LOXHD1: variants seen among roughly 807,000 people sequenced by gnomAD.
LOXHD1 encodes the protein lipoxygenase homology domain-containing protein 1.
A neutral mutation model predicts 248.2 loss-of-function variants in LOXHD1; 205 were observed. That is an observed-to-expected ratio of 0.83 (90% CI 0.74 to 0.93). The LOEUF (loss-of-function observed/expected upper bound fraction) is 0.93. Ranked by LOEUF, LOXHD1 falls within the 40% of genes least tolerant of loss-of-function variation. The pLI, the probability that LOXHD1 is intolerant of heterozygous loss-of-function variation, is 0.00. For synonymous variants in LOXHD1, 1,113 were observed against 1,162.8 expected (o/e 0.96, Z 0.87); for missense variants, 2,930 against 2,971.6 (o/e 0.99, Z 0.33).
At position 46,563,085 on chromosome 18, in the gene LOXHD1, C is replaced by T. The variant is rs369017253; in HGVS notation, c.2578G>A (p.Ala860Thr). ...CATACCTGGAATGTGTCCTTGGACG[C>T]CCGTTCAAAAACTTTTGAGCGGCTG... ...LSSRSKVFER[A>T]SKDTFQLEAA... The change falls in exon 18 of 41, where the codon GCG becomes ACG. Residue 860 changes from alanine to threonine, a missense_variant. By Grantham distance (58) the Ala-to-Thr change is moderately conservative. Coordinates refer to ENST00000642948, the MANE Select transcript of LOXHD1 (RefSeq NM_001384474.1). The T allele has an allele frequency of 1.3e-6, 2 of 1,544,150 alleles. No homozygotes were observed. Among genetic ancestry groups the T allele is most frequent in the African/African-American group, 2.7e-5 (2 of 72,932 alleles).
At chr18:46,643,367 A>T (rs774570740) in intron 2 of LOXHD1, among the ~76,000 whole-genome samples, 1 of 152,124 alleles carries the variant, frequency 6.6e-6, no homozygotes, top group Non-Finnish European at 1.5e-5. Flanking sequence ...CAGAGTTTCT[A>T]CTCCACCATT....
chr18:46,532,617 C>G (rs41393146), intron 28 of LOXHD1, among the ~76,000 whole-genome samples: 28,499 of 152,156 alleles, frequency 0.19, 2,854 homozygotes, highest in African/African-American at 0.24. Context: ...TCAGAGAAAA[C>G]CACATTGATG....
At chr18:46,649,500 G>A (rs1337076651) in intron 1 of LOXHD1, among the ~76,000 whole-genome samples, 1 of 152,192 alleles carries the variant, frequency 6.6e-6, no homozygotes, top group Non-Finnish European at 1.5e-5. Flanking sequence ...GAGGCTGAGG[G>A]CAAGAGGGCA....
chr18:46,638,134 C>T (rs773866754), intron 4 of LOXHD1, among the ~76,000 whole-genome samples: 6 of 152,006 alleles, frequency 3.9e-5, no homozygotes, highest in East Asian at 1.9e-4. Flanking sequence ...TGCTGTGAAA[C>T]GGGGTGTTGC....
At chr18:46,624,641 C>T (rs1463429986) in intron 4 of LOXHD1, among the ~76,000 whole-genome samples, 1 of 152,200 alleles carries the variant, frequency 6.6e-6, no homozygotes, top group Non-Finnish European at 1.5e-5. Flanking sequence ...CCAGACTCTT[C>T]CACCTCCAGT....
At chr18:46,584,539 C>T (rs958834919) in intron 12 of LOXHD1, among the ~76,000 whole-genome samples, 1 of 151,886 alleles carries the variant, frequency 6.6e-6, no homozygotes, top group African/African-American at 2.4e-5. Context: ...AAATAAAATT[C>T]CAAATCTTTT....
chr18:46,586,402 C>A (rs1024592274), intron 12 of LOXHD1, among the ~76,000 whole-genome samples: 2 of 149,940 alleles, frequency 1.3e-5, no homozygotes, highest in African/African-American at 4.9e-5. Context: ...AATTGTATGG[C>A]ACATGAATCA....
chr18:46,605,058 AC>A (rs2038392118), intron 6 of LOXHD1, among the ~76,000 whole-genome samples: 2 of 152,250 alleles, frequency 1.3e-5, no homozygotes, highest in Non-Finnish European at 2.9e-5. Context: ...ATAAAATGCT[AC>A]CAAGACCAAT....
chr18:46,546,865 G>A, intron 22 of LOXHD1, 30 bp downstream of exon 22: 1 of 1,539,136 alleles, frequency 6.5e-7, no homozygotes, highest in Non-Finnish European at 8.8e-7. Context: ...AGGGGTGCTG[G>A]AGAAAGAAAT....
chr18:46,511,052 T>G (rs2034927499), intron 34 of LOXHD1, among the ~76,000 whole-genome samples: 1 of 152,348 alleles, frequency 6.6e-6, no homozygotes, highest in Non-Finnish European at 1.5e-5. Flanking sequence ...CTCTTTGAAT[T>G]TAGCCAAGTG....
intron 29 of LOXHD1, 69 bp downstream of exon 29, chr18:46,529,108 A>C: frequency 7.7e-5 from 118 of 1,532,914 alleles, no homozygotes; most frequent in Non-Finnish European, 9.7e-5. Flanking sequence ...GGAACCAAGA[A>C]GAGCTGGCAC....
chr18:46,524,913 T>C lies in LOXHD1; in HGVS notation c.4535A>G (p.Asp1512Gly). ...GTCAGCGGCCTCGATGATGAAGGTG[T>C]CAGCCTGGGGAGCCCAGATGTGGGG... Reference protein sequence around the residue: ...RTNKFERGTADTFIIEAADLG... With the variant: ...RTNKFERGTAGTFIIEAADLG... Residue 1512 changes from aspartate (D) to glycine (G), a missense_variant, in exon 30 of 41, where the codon GAC becomes GGC. Transcript: ENST00000642948. The C allele has an allele frequency of 1.3e-6, 2 of 1,551,638 alleles. No homozygotes were observed. The highest frequency in any genetic ancestry group is 1.4e-5 in the African/African-American group (1 of 73,160).
At chr18:46,556,033 A>G (rs562026724) in intron 21 of LOXHD1, among the ~76,000 whole-genome samples, 1 of 151,676 alleles carries the variant, frequency 6.6e-6, no homozygotes, top group African/African-American at 2.4e-5. Context: ...AAATCTAAGG[A>G]AGGATAATAT....
At chr18:46,480,444 TA>T (rs2032466736) in intron 40 of LOXHD1, among the ~76,000 whole-genome samples, 2 of 152,218 alleles carry the variant, frequency 1.3e-5, no homozygotes, top group African/African-American at 4.8e-5. Flanking sequence ...CACTCAATAA[TA>T]CTTCCTGGGA....
chr18:46,574,362 C>G (rs1324404775), intron 14 of LOXHD1, among the ~76,000 whole-genome samples: 1 of 130,372 alleles, frequency 7.7e-6, no homozygotes, highest in Non-Finnish European at 1.6e-5. Flanking sequence ...TTTCTCTGAG[C>G]TCACAGGAGT....
At chr18:46,494,825 T>C (rs1334807339) in intron 37 of LOXHD1, among the ~76,000 whole-genome samples, 1 of 151,364 alleles carries the variant, frequency 6.6e-6, no homozygotes, top group Non-Finnish European at 1.5e-5. Flanking sequence ...GATTTATATT[T>C]TTCTTTCTCC....
chr18:46,500,202 A>G (rs1006094908), intron 37 of LOXHD1, among the ~76,000 whole-genome samples: 1 of 152,082 alleles, frequency 6.6e-6, no homozygotes, highest in Non-Finnish European at 1.5e-5. Flanking sequence ...CTTTCTCCAT[A>G]GACTCTGTTA....
chr18:46,602,886 C>T (rs1214311605), intron 7 of LOXHD1, among the ~76,000 whole-genome samples: 1 of 152,154 alleles, frequency 6.6e-6, no homozygotes, highest in African/African-American at 2.4e-5. Flanking sequence ...CAATGCCCAG[C>T]TGCTATCATT....
At chr18:46,633,722 T>C (rs2038856840) in intron 4 of LOXHD1, among the ~76,000 whole-genome samples, 1 of 152,158 alleles carries the variant, frequency 6.6e-6, no homozygotes, top group Non-Finnish European at 1.5e-5. Context: ...ATCATATATC[T>C]GAAAAGGGGT....
Sources: gnomAD v4.1 joint callset for allele counts (sites outside exome capture counted in the v4.1 genomes callset) on GRCh38, gnomAD v4.1.1 for gene constraint, MANE v1.5 for transcripts, NCBI Gene and HGNC (gene_info 2026-07-23, HGNC 2026-07-21) for gene names.